Variants in GSE1 observed in about 807,000 individuals in gnomAD.
GSE1 encodes the protein genetic suppressor element 1.
Under a neutral mutation model 112.6 loss-of-function variants are expected in GSE1, and 32 were observed. That is an observed-to-expected ratio of 0.28 (90% CI 0.21 to 0.38). The LOEUF (loss-of-function observed/expected upper bound fraction) is 0.38, where lower values mean the gene tolerates loss of function less well. GSE1 is among the 10% of genes least tolerant of loss of function. The pLI is 1.00. For missense variants in GSE1, 2,348 were observed against 1,699.2 expected, an observed-to-expected ratio of 1.38 and a Z score of -6.71; for synonymous variants, 1,115 against 735.6, an observed-to-expected ratio of 1.52 and a Z score of -8.35.
chr16:85,668,262 C>G lies in GSE1; in HGVS notation c.3253C>G (p.Pro1085Ala). The G allele has an allele frequency of 6.2e-7, 1 of 1,610,110 alleles. No individual in the cohort carries two copies. The highest frequency in any genetic ancestry group is 8.5e-7 in the Non-Finnish European group (1 of 1,176,460). ...ACCCCAGCACAATGGGCAGCAGGAG[C>G]CCCCCACTGCAAGGAAGGGCCCCCC... ...PPPQHNGQQE[P>A]PTARKGPPTQ... Residue 1085 changes from proline to alanine, a missense_variant, in exon 14 of 16, where the codon CCC becomes GCC. Physicochemically the swap from Pro to Ala is conservative, Grantham distance 27. Transcript: ENST00000253458.
intron 1 of GSE1, among the ~76,000 whole-genome samples, chr16:85,181,264 G>A (rs899432196): frequency 1.3e-5 from 2 of 152,212 alleles, no homozygotes; most frequent in Admixed American, 6.5e-5. Context: ...CAGAGGGGGC[G>A]TGAATGGCCC....
At chr16:85,512,754 G>A (rs2051791041) in intron 2 of GSE1, among the ~76,000 whole-genome samples, 1 of 152,070 alleles carries the variant, frequency 6.6e-6, no homozygotes, top group African/African-American at 2.4e-5. Context: ...GAGCGGTGGG[G>A]GCTGATTAGC....
rs1277240281 is a variant in GSE1 at position 85,226,814 on chromosome 16, T to A, written c.2283+55007T>A. On this transcript the variant is annotated intron_variant, in intron 1 of 2. Coordinates refer to the GSE1 transcript ENST00000637419. ...GTGTGTGTGTGTGTGTGTGTGTGTG[T>A]GTGAAGGAGGACGAAGGAGCTAGCA... 3.6e-5 allele frequency among the ~76,000 whole-genome samples: 4 copies of A among 111,404 alleles called. No homozygotes were observed. The East Asian group carries it at 7.7e-4, about 22-fold the overall frequency. The allele number at this position is 111,404 out of a possible 152,430, so 73.1% of individuals were successfully genotyped here.
chr16:85,280,078 G>A (rs956681239), intron 1 of GSE1, among the ~76,000 whole-genome samples: 5 of 152,280 alleles, frequency 3.3e-5, no homozygotes, highest in East Asian at 1.9e-4. Flanking sequence ...TTGGCAACAC[G>A]CCCAGCGCTC....
At chr16:85,174,835 G>C in intron 1 of GSE1, among the ~76,000 whole-genome samples, 1 of 152,242 alleles carries the variant, frequency 6.6e-6, no homozygotes. Flanking sequence ...CCTGGGGAGG[G>C]AGAGAGGGTG....
At chr16:85,356,357 C>T (rs747165241) in intron 1 of GSE1, among the ~76,000 whole-genome samples, 5 of 152,260 alleles carry the variant, frequency 3.3e-5, no homozygotes, top group African/African-American at 9.6e-5. Context: ...GGCCCTCGCA[C>T]GGGTCCGTTC....
chr16:85,470,862 G>A (rs558153177), intron 2 of GSE1, among the ~76,000 whole-genome samples: 1 of 152,314 alleles, frequency 6.6e-6, no homozygotes, highest in East Asian at 1.9e-4. Context: ...TCTTTAGGAG[G>A]AAGCAGAGAG....
At chr16:85,543,210 CAAA>C (rs527634392) in intron 2 of GSE1, among the ~76,000 whole-genome samples, 4 of 68,648 alleles carry the variant, frequency 5.8e-5, no homozygotes, top group Non-Finnish European at 3.0e-5. Flanking sequence ...GACTCCATCT[CAAA>C]AAAAAAAAAA....
intron 2 of GSE1, among the ~76,000 whole-genome samples, chr16:85,389,186 G>A (rs926181334): frequency 6.6e-6 from 1 of 152,158 alleles, no homozygotes; most frequent in Non-Finnish European, 1.5e-5. Flanking sequence ...AGGGGCCGGG[G>A]CAGTGGCTCA....
chr16:85,242,651 G>A (rs941210411), intron 1 of GSE1, among the ~76,000 whole-genome samples: 1 of 152,188 alleles, frequency 6.6e-6, no homozygotes, highest in Non-Finnish European at 1.5e-5. Flanking sequence ...TGGGGACTCT[G>A]GAAACAGGAG....
At chr16:85,197,677 C>T (rs922394262) in intron 1 of GSE1, among the ~76,000 whole-genome samples, 3 of 152,206 alleles carry the variant, frequency 2.0e-5, no homozygotes, top group African/African-American at 4.8e-5. Context: ...CCTCCGGGAT[C>T]AAGGCCCTCC....
chr16:85,503,409 A>G lies in GSE1; in HGVS notation c.2465-130505A>G, dbSNP rs76735832. 2.6e-3 allele frequency among the ~76,000 whole-genome samples: 396 copies of G among 152,168 alleles called. 1 individual carries two copies. The highest frequency in any genetic ancestry group is 9.1e-3 in the African/African-American group (378 of 41,508). ...CCGCTCCTCCTCCTCCTCCTCACAA[A>G]TCATGACCACCTAGTGAAGGACCTC... On this transcript the variant is annotated intron_variant, in intron 2 of 2. Transcript: ENST00000637419.
chr16:85,403,091 T>TGG (rs35955656), intron 2 of GSE1, among the ~76,000 whole-genome samples: 73 of 151,080 alleles, frequency 4.8e-4, no homozygotes, highest in East Asian at 3.7e-3. Context: ...CCATGGTTGC[T>TGG]GGGGGGGGAC....
At chr16:85,176,186 C>A (rs2074460406) in intron 1 of GSE1, among the ~76,000 whole-genome samples, 1 of 152,164 alleles carries the variant, frequency 6.6e-6, no homozygotes, top group African/African-American at 2.4e-5. Flanking sequence ...ACTCTGTTGC[C>A]CTGGCTGATC....
At chr16:85,214,790 C>T (rs899881356) in intron 1 of GSE1, among the ~76,000 whole-genome samples, 2 of 151,530 alleles carry the variant, frequency 1.3e-5, no homozygotes, top group African/African-American at 4.8e-5. Context: ...CCTGGCAAAA[C>T]ATAGGTCTGC....
chr16:85,461,565 G>A (rs191691493), intron 2 of GSE1, among the ~76,000 whole-genome samples: 407 of 152,232 alleles, frequency 2.7e-3, no homozygotes, highest in African/African-American at 9.5e-3. Flanking sequence ...CTGTTGCGAG[G>A]GGTTCGAGAC....
At chr16:85,661,841 C>CT in intron 9 of GSE1, 76 bp downstream of exon 9, 1 of 1,357,426 alleles carries the variant, frequency 7.4e-7, no homozygotes, top group Non-Finnish European at 9.8e-7. Context: ...TGCCAGCCAC[C>CT]TGCCCCTCTC....
intron 1 of GSE1, among the ~76,000 whole-genome samples, chr16:85,186,090 C>A (rs1382039964): frequency 1.3e-5 from 2 of 152,152 alleles, no homozygotes; most frequent in Non-Finnish European, 2.9e-5. Flanking sequence ...TTCTATGTCC[C>A]CCTAGGCTTG....
At chr16:85,221,124 G>A (rs900156143) in intron 1 of GSE1, among the ~76,000 whole-genome samples, 2 of 151,984 alleles carry the variant, frequency 1.3e-5, no homozygotes, top group Non-Finnish European at 2.9e-5. Flanking sequence ...AGGTCAAGCG[G>A]TGCAGCCCCC....
Sources: gnomAD v4.1 joint callset for allele counts (sites outside exome capture counted in the v4.1 genomes callset) on GRCh38, gnomAD v4.1.1 for gene constraint, MANE v1.5 for transcripts, NCBI Gene and HGNC (gene_info 2026-07-23, HGNC 2026-07-21) for gene names.